DOCK4: variants seen among roughly 807,000 people sequenced by gnomAD.
DOCK4 encodes dedicator of cytokinesis 4, also known as dedicator of cytokinesis protein 4.
Under a neutral mutation model 268.1 loss-of-function variants are expected in DOCK4, and 97 were observed. The ratio of observed to expected loss-of-function variants is 0.36; its 90% CI spans 0.31 to 0.43. The LOEUF (loss-of-function observed/expected upper bound fraction) is 0.43, where lower values mean the gene tolerates loss of function less well. Among genes scored for constraint, DOCK4 ranks in the 20% least tolerant of loss-of-function variants. The pLI, the probability that DOCK4 is intolerant of heterozygous loss-of-function variation, is 1.00. For missense variants in DOCK4, 2,145 were observed against 2,455.7 expected, an observed-to-expected ratio of 0.87 and a Z score of 2.67; for synonymous variants, 954 against 887.2, an observed-to-expected ratio of 1.08 and a Z score of -1.34.
intron 30 of DOCK4, among the ~76,000 whole-genome samples, chr7:111,799,287 T>A (rs1340368810): frequency 4.6e-5 from 7 of 152,302 alleles, no homozygotes; most frequent in African/African-American, 1.7e-4. Context: ...ATAAAACTTA[T>A]CAATGTGCTC....
intron 19 of DOCK4, 41 bp downstream of exon 19, chr7:111,872,228 G>C: frequency 6.9e-7 from 1 of 1,439,398 alleles, no homozygotes; most frequent in Non-Finnish European, 9.4e-7. Flanking sequence ...AAGATTGAGA[G>C]ACAAAACAGT....
rs566127181 is a variant in DOCK4, at chr7:111,839,023, G to A, written c.2737-4337C>T. Among the ~76,000 whole-genome samples, 159 of 152,306 alleles carry A rather than the reference G, an allele frequency of 1.0e-3. 1 individual carries two copies. The highest frequency in any genetic ancestry group is 3.4e-3 in the Middle Eastern group (1 of 294). ...ACAATCAATTTCACTTTAAAGAAAA[G>A]ATAATTATCTCTTAAGGTTCAGAAA... is the stretch of plus-strand genomic sequence containing the variant. On this transcript the variant is annotated intron_variant, in intron 25 of 52. Coordinates refer to ENST00000428084, the MANE Select transcript of DOCK4 (RefSeq NM_001363540.2).
chr7:111,976,048 G>A (rs1398162825), intron 8 of DOCK4, among the ~76,000 whole-genome samples: 2 of 143,000 alleles, frequency 1.4e-5, no homozygotes, highest in African/African-American at 5.2e-5. Flanking sequence ...AGCTGAGGAA[G>A]GAGAATCACT....
At chr7:111,906,647 T>C (rs1791599195) in intron 13 of DOCK4, among the ~76,000 whole-genome samples, 1 of 152,134 alleles carries the variant, frequency 6.6e-6, no homozygotes, top group African/African-American at 2.4e-5. Flanking sequence ...ATTAAATTAA[T>C]GATCTTGAGA....
At chr7:111,973,492 A>G (rs2135089547) in intron 8 of DOCK4, among the ~76,000 whole-genome samples, 1 of 152,288 alleles carries the variant, frequency 6.6e-6, no homozygotes, top group South Asian at 2.1e-4. Flanking sequence ...GGAAGAGGGA[A>G]GCTAGAGCTG....
At chr7:111,765,924 C>A (rs1299720959) in intron 38 of DOCK4, among the ~76,000 whole-genome samples, 1 of 152,102 alleles carries the variant, frequency 6.6e-6, no homozygotes, top group Admixed American at 6.6e-5. Flanking sequence ...CCCCCTCTAT[C>A]CCCCCTCTAG....
intron 23 of DOCK4, among the ~76,000 whole-genome samples, chr7:111,859,285 T>C (rs1488736612): frequency 6.6e-6 from 1 of 152,188 alleles, no homozygotes; most frequent in African/African-American, 2.4e-5. Flanking sequence ...GATAAGAAGT[T>C]TGTGTTGTTT....
In DOCK4 at chr7:111,784,244, T is replaced by G. The variant is rs1223180464; in HGVS notation, c.3402-121A>C. Reference sequence around the variant, plus strand: ...AAGCATCTCACAGCTCAAAGACATTTTTTCCTAGCTTCTCCCTTACACTAA... The same window carrying G: ...AAGCATCTCACAGCTCAAAGACATTGTTTCCTAGCTTCTCCCTTACACTAA... On this transcript the variant is annotated intron_variant, in intron 32 of 52. Coordinates refer to ENST00000428084, the MANE Select transcript of DOCK4 (RefSeq NM_001363540.2). 3 of 1,152,688 alleles carry G rather than the reference T, an allele frequency of 2.6e-6. No homozygotes were observed. In the African/African-American group the frequency reaches 4.6e-5, roughly 18 times the overall value. The allele number at this position is 1,152,688 out of a possible 1,614,324, so 71.4% of individuals were successfully genotyped here.
At chr7:111,766,469 G>T (rs991926576) in intron 38 of DOCK4, among the ~76,000 whole-genome samples, 1 of 152,072 alleles carries the variant, frequency 6.6e-6, no homozygotes, top group African/African-American at 2.4e-5. Context: ...GGACTTGGAG[G>T]GCAAGGAGGA....
At chr7:112,197,970 G>GAA (rs10525534) in intron 1 of DOCK4, among the ~76,000 whole-genome samples, 1,871 of 110,976 alleles carry the variant, frequency 0.017, 47 homozygotes, top group African/African-American at 0.045. Context: ...GACCTGCCTA[G>GAA]AAAAAAAAAA....
At chr7:111,810,826 A>G (rs1046146491) in intron 28 of DOCK4, among the ~76,000 whole-genome samples, 7 of 151,956 alleles carry the variant, frequency 4.6e-5, no homozygotes, top group African/African-American at 1.7e-4. Flanking sequence ...GCAAAACCCC[A>G]TACTACTACT....
intron 8 of DOCK4, among the ~76,000 whole-genome samples, chr7:111,957,413 A>G (rs1187772972): frequency 6.6e-6 from 1 of 152,188 alleles, no homozygotes; most frequent in East Asian, 1.9e-4. Flanking sequence ...AAAGATAGCC[A>G]TGACTCCAAG....
At chr7:112,013,751 C>T (rs905455855) in intron 1 of DOCK4, among the ~76,000 whole-genome samples, 2 of 152,210 alleles carry the variant, frequency 1.3e-5, no homozygotes, top group Admixed American at 6.5e-5. Flanking sequence ...TGCTGAGCTT[C>T]GGCTCAGAGG....
chr7:111,780,442 T>C (rs1376637849), intron 35 of DOCK4, among the ~76,000 whole-genome samples: 1 of 152,158 alleles, frequency 6.6e-6, no homozygotes, highest in East Asian at 1.9e-4. Flanking sequence ...CAGCAGGTTT[T>C]TATATGACTA....
intron 30 of DOCK4, among the ~76,000 whole-genome samples, chr7:111,792,958 T>G (rs1245051059): frequency 1.3e-5 from 2 of 152,204 alleles, no homozygotes; most frequent in Non-Finnish European, 2.9e-5. Context: ...TGGCAATAGA[T>G]GAACACATGA....
chr7:112,126,954 T>A (rs1452427195), intron 1 of DOCK4, among the ~76,000 whole-genome samples: 2 of 152,062 alleles, frequency 1.3e-5, no homozygotes, highest in Non-Finnish European at 2.9e-5. Context: ...ACTTTTACAC[T>A]GTTGGTGGGA....
At chr7:112,100,992 A>C (rs1810626182) in intron 1 of DOCK4, among the ~76,000 whole-genome samples, 1 of 152,218 alleles carries the variant, frequency 6.6e-6, no homozygotes, top group African/African-American at 2.4e-5. Context: ...AACACTGAGA[A>C]GTTTATAGGA....
At chr7:111,848,877 G>A (rs1804319209) in intron 23 of DOCK4, among the ~76,000 whole-genome samples, 1 of 152,168 alleles carries the variant, frequency 6.6e-6, no homozygotes, top group Non-Finnish European at 1.5e-5. Context: ...GAAAGGTAAA[G>A]TGCTCTGGAT....
At chr7:111,900,987 G>T (rs1163110101) in intron 14 of DOCK4, among the ~76,000 whole-genome samples, 3 of 152,152 alleles carry the variant, frequency 2.0e-5, no homozygotes, top group African/African-American at 4.8e-5. Flanking sequence ...ACCCCAATTA[G>T]TAAGTAGTAC....
Sources: allele counts gnomAD v4.1 joint callset (sites outside exome capture counted in the v4.1 genomes callset), GRCh38; gene constraint gnomAD v4.1.1; transcripts MANE v1.5; gene names NCBI Gene and HGNC (gene_info 2026-07-23, HGNC 2026-07-21).